The following CHST11 variants were observed in gnomAD, a reference collection of about 807,000 sequenced individuals.
CHST11 encodes the protein C4S-1.
Under a neutral mutation model 30.4 loss-of-function variants are expected in CHST11, and 9 were observed. The ratio of observed to expected loss-of-function variants is 0.30; its 90% CI spans 0.18 to 0.52. The LOEUF (loss-of-function observed/expected upper bound fraction) is 0.52, where lower values mean the gene tolerates loss of function less well. Ranked by LOEUF, CHST11 falls within the 20% of genes least tolerant of loss-of-function variation. The pLI is 0.97. For synonymous variants in CHST11, 152 were observed against 187.8 expected (o/e 0.81, Z 1.56); for missense variants, 348 against 460.6 (o/e 0.76, Z 2.24).
At chr12:104,634,089 C>T (rs1324714874) in intron 2 of CHST11, among the ~76,000 whole-genome samples, 1 of 152,232 alleles carries the variant, frequency 6.6e-6, no homozygotes, top group Non-Finnish European at 1.5e-5. Context: ...AGACACAAAG[C>T]TCGGTCCTTA....
intron 1 of CHST11, among the ~76,000 whole-genome samples, chr12:104,533,644 A>G (rs2038207321): frequency 6.6e-6 from 1 of 152,228 alleles, no homozygotes; most frequent in Non-Finnish European, 1.5e-5. Flanking sequence ...TCCGCGTGAT[A>G]ATGATTCTTC....
At chr12:104,567,593 G>C (rs895928411) in intron 1 of CHST11, among the ~76,000 whole-genome samples, 3 of 152,114 alleles carry the variant, frequency 2.0e-5, no homozygotes, top group Admixed American at 6.5e-5. Flanking sequence ...TCCCCAGTGA[G>C]AGCCTCACAG....
At chr12:104,731,049 G>T (rs1284918749) in intron 2 of CHST11, among the ~76,000 whole-genome samples, 1 of 152,222 alleles carries the variant, frequency 6.6e-6, no homozygotes, top group Non-Finnish European at 1.5e-5. Flanking sequence ...CCACTTACGA[G>T]CTGTCTTCCT....
intron 1 of CHST11, among the ~76,000 whole-genome samples, chr12:104,496,868 C>G (rs1419146218): frequency 6.6e-6 from 1 of 152,128 alleles, no homozygotes; most frequent in Admixed American, 6.5e-5. Flanking sequence ...AATTTGCCAT[C>G]CAGAAAAACT....
intron 2 of CHST11, among the ~76,000 whole-genome samples, chr12:104,708,850 G>A (rs1398552562): frequency 6.6e-6 from 1 of 152,202 alleles, no homozygotes; most frequent in African/African-American, 2.4e-5. Flanking sequence ...GATGCGGCAG[G>A]GGCCCCTCGG....
intron 1 of CHST11, among the ~76,000 whole-genome samples, chr12:104,584,441 G>C (rs375376815): frequency 2.0e-5 from 3 of 151,918 alleles, no homozygotes; most frequent in East Asian, 1.9e-4. Flanking sequence ...ATTTTTAGTA[G>C]AGATGGGGTT....
intron 1 of CHST11, among the ~76,000 whole-genome samples, chr12:104,550,544 T>A (rs1048176007): frequency 6.6e-6 from 1 of 152,092 alleles, no homozygotes; most frequent in African/African-American, 2.4e-5. Context: ...CACAAATGAG[T>A]GTGGCTGTCA....
intron 1 of CHST11, among the ~76,000 whole-genome samples, chr12:104,484,791 G>C (rs2135963142): frequency 6.6e-6 from 1 of 152,328 alleles, no homozygotes; most frequent in Middle Eastern, 3.4e-3. Context: ...GAAACCTAAT[G>C]AATGTTGGCA....
intron 2 of CHST11, among the ~76,000 whole-genome samples, chr12:104,694,413 G>A (rs371319995): frequency 1.1e-3 from 166 of 152,284 alleles, no homozygotes; most frequent in African/African-American, 3.8e-3. Flanking sequence ...TGCACTGGGC[G>A]CTGCACCAGG....
intron 1 of CHST11, among the ~76,000 whole-genome samples, chr12:104,576,568 A>C (rs774289677): frequency 6.6e-6 from 1 of 152,172 alleles, no homozygotes; most frequent in Non-Finnish European, 1.5e-5. Context: ...TCTTCAGAGA[A>C]GTTCTTCAGA....
chr12:104,706,517 A>C (rs1257301909), intron 2 of CHST11, among the ~76,000 whole-genome samples: 1 of 152,060 alleles, frequency 6.6e-6, no homozygotes, highest in Admixed American at 6.6e-5. Flanking sequence ...AGGCTCACTG[A>C]GTAGATGGCA....
chr12:104,544,212 A>G (rs1246995844), intron 1 of CHST11, among the ~76,000 whole-genome samples: 1 of 151,368 alleles, frequency 6.6e-6, no homozygotes, highest in African/African-American at 2.4e-5. Context: ...ACGCTCATAC[A>G]TAGAATTTTT....
intron 2 of CHST11, among the ~76,000 whole-genome samples, chr12:104,651,481 T>C (rs962485795): frequency 6.6e-6 from 1 of 152,074 alleles, no homozygotes; most frequent in East Asian, 1.9e-4. Context: ...TTAAATAAAA[T>C]ATTACCTTGG....
At chr12:104,648,932 C>T (rs2039463906) in intron 2 of CHST11, among the ~76,000 whole-genome samples, 1 of 152,208 alleles carries the variant, frequency 6.6e-6, no homozygotes, top group Non-Finnish European at 1.5e-5. Flanking sequence ...GGGGTGACAG[C>T]TGCCTGAACT....
intron 1 of CHST11, among the ~76,000 whole-genome samples, chr12:104,470,362 T>C (rs1225614097): frequency 6.6e-6 from 1 of 152,102 alleles, no homozygotes; most frequent in Non-Finnish European, 1.5e-5. Flanking sequence ...AGAGAGAATG[T>C]GTGCAAGCAG....
intron 1 of CHST11, among the ~76,000 whole-genome samples, chr12:104,591,417 G>A (rs185044512): frequency 2.0e-5 from 3 of 152,074 alleles, no homozygotes; most frequent in African/African-American, 4.8e-5. Context: ...GTACCAGGGC[G>A]GTGAGGACAG....
chr12:104,588,928 G>A (rs747141272), intron 1 of CHST11: 1 of 152,144 alleles, frequency 6.6e-6, no homozygotes, highest in Non-Finnish European at 1.5e-5. Context: ...GCCCATCAGT[G>A]GATGAATGAA....
chr12:104,750,452 T>TTTTTTTTTTTTTTG (rs1566064718), intron 2 of CHST11, among the ~76,000 whole-genome samples: 5 of 113,522 alleles, frequency 4.4e-5, no homozygotes, highest in African/African-American at 1.8e-4. Context: ...TTTTTTTTTT[T>TTTTTTTTTTTTTTG]TTTTGTTGAG....
At chr12:104,755,981 T>A (rs2463439) in intron 2 of CHST11, among the ~76,000 whole-genome samples, 99,425 of 151,676 alleles carry the variant, frequency 0.66, 32,718 homozygotes, top group Middle Eastern at 0.73. Context: ...CATTGGGCTA[T>A]GGAGAACCCC....
Sources: gnomAD v4.1 joint callset for allele counts (sites outside exome capture counted in the v4.1 genomes callset) on GRCh38, gnomAD v4.1.1 for gene constraint, MANE v1.5 for transcripts, NCBI Gene and HGNC (gene_info 2026-07-23, HGNC 2026-07-21) for gene names.